The following NCOA7 variants were observed in gnomAD, a reference collection of about 807,000 sequenced individuals.
The protein encoded by NCOA7 is nuclear receptor coactivator 7, also known as 140 kDa estrogen receptor-associated protein.
A neutral mutation model predicts 104.3 loss-of-function variants in NCOA7; 45 were observed. The ratio of observed to expected loss-of-function variants is 0.43; its 90% CI spans 0.34 to 0.55. The LOEUF is 0.55. NCOA7 is among the 20% of genes least tolerant of loss of function. The pLI, the probability that NCOA7 is intolerant of heterozygous loss-of-function variation, is 0.02. For missense variants in NCOA7, 1,041 were observed against 1,119.7 expected, an observed-to-expected ratio of 0.93 and a Z score of 1.00; for synonymous variants, 398 against 402.3, an observed-to-expected ratio of 0.99 and a Z score of 0.13.
At chr6:125,836,864 T>C (rs1054490606) in intron 2 of NCOA7, among the ~76,000 whole-genome samples, 1 of 152,032 alleles carries the variant, frequency 6.6e-6, no homozygotes, top group African/African-American at 2.4e-5. Context: ...CTGGAGAGGG[T>C]GCTTGATAAC....
intron 1 of NCOA7, among the ~76,000 whole-genome samples, chr6:125,792,578 A>C (rs1268086): frequency 8.5e-5 from 13 of 152,208 alleles, no homozygotes; most frequent in Admixed American, 4.6e-4. Flanking sequence ...GTCTTTTATC[A>C]CAGGCAAAAG....
chr6:125,921,189 C>T, intron 12 of NCOA7, 121 bp downstream of exon 12: 2 of 1,289,168 alleles, frequency 1.6e-6, no homozygotes, highest in Non-Finnish European at 2.1e-6. Flanking sequence ...GCAGGCGGAT[C>T]ACTTGAGGTC....
rs56389001 is a variant in NCOA7, at chr6:125,862,037, CAA to C, written c.271+6823_271+6824del. Among the ~76,000 whole-genome samples, 326 of 63,710 alleles carry C rather than the reference CAA, an allele frequency of 5.1e-3. 1 individual carries two copies. The highest frequency in any genetic ancestry group is 0.029 in the African/African-American group (234 of 8,100). The allele number at this position is 63,710 out of a possible 152,430, so 41.8% of individuals were successfully genotyped here. On this transcript the variant is annotated intron_variant, in intron 3 of 15. Transcript: ENST00000392477. Reference sequence around the variant, plus strand: ...GGGCAACAAGAGTGAAACTCTTTCTCAAAAAAAAAAAAAAAAAAAAAAAAAAA... The same window carrying C: ...GGGCAACAAGAGTGAAACTCTTTCTCAAAAAAAAAAAAAAAAAAAAAAAAA...
intron 2 of NCOA7, among the ~76,000 whole-genome samples, chr6:125,816,548 C>T (rs1345181068): frequency 7.9e-5 from 12 of 152,106 alleles, no homozygotes; most frequent in Non-Finnish European, 1.5e-5. Flanking sequence ...ATATTTTCTG[C>T]TATTATGACT....
intron 6 of NCOA7, among the ~76,000 whole-genome samples, chr6:125,881,765 C>G (rs1399162522): frequency 2.0e-5 from 3 of 147,930 alleles, no homozygotes; most frequent in Non-Finnish European, 3.0e-5. Context: ...TGTATTCCTC[C>G]TTTTTTTAAA....
intron 2 of NCOA7, among the ~76,000 whole-genome samples, chr6:125,826,630 A>ACCTTATGT (rs1217186561): frequency 6.6e-6 from 1 of 152,116 alleles, no homozygotes; most frequent in East Asian, 1.9e-4. Context: ...TCTCAGAGAG[A>ACCTTATGT]CCTTATGTGC....
intron 10 of NCOA7, among the ~76,000 whole-genome samples, chr6:125,914,544 C>T (rs955916529): frequency 2.0e-5 from 3 of 152,202 alleles, no homozygotes; most frequent in African/African-American, 7.2e-5. Flanking sequence ...GTTATCCCAA[C>T]AGTAGCCTCA....
intron 12 of NCOA7, among the ~76,000 whole-genome samples, chr6:125,921,271 G>A (rs1486960220): frequency 2.7e-4 from 41 of 152,168 alleles, no homozygotes; most frequent in Non-Finnish European, 1.3e-4. Flanking sequence ...TTGGCCGGGC[G>A]TGATGGCACA....
chr6:125,848,363 C>T (rs567487524), intron 2 of NCOA7, among the ~76,000 whole-genome samples: 37 of 152,046 alleles, frequency 2.4e-4, no homozygotes, highest in Non-Finnish European at 2.9e-4. Context: ...ATGTTTATTG[C>T]GGCACTATTC....
Position 125,928,822 on chromosome 6 carries a change from C to T in NCOA7, c.*51C>T. 1 of 1,561,044 alleles carries T rather than the reference C, an allele frequency of 6.4e-7. No homozygotes were observed. Among genetic ancestry groups the T allele is most frequent in the Non-Finnish European group, 8.6e-7 (1 of 1,158,124 alleles). ...ATTAAAAAGACTGGGTTCGATCAGC[C>T]CTCCTAAAGCTGGCTGGAAAAAGAA... On this transcript the variant is annotated 3_prime_UTR_variant, in exon 16 of 16. Transcript: ENST00000392477.
At chr6:125,819,930 T>G (rs1269729389) in intron 2 of NCOA7, among the ~76,000 whole-genome samples, 1 of 152,196 alleles carries the variant, frequency 6.6e-6, no homozygotes, top group East Asian at 1.9e-4. Context: ...AATACATCTG[T>G]AGTTGAACCA....
chr6:125,820,837 T>G (rs1363255983), intron 2 of NCOA7, among the ~76,000 whole-genome samples: 1 of 152,180 alleles, frequency 6.6e-6, no homozygotes, highest in Non-Finnish European at 1.5e-5. Context: ...GATACTTTGC[T>G]ATAAGCACAG....
At chr6:125,905,398 A>G (rs1344445176) in intron 10 of NCOA7, among the ~76,000 whole-genome samples, 1 of 151,918 alleles carries the variant, frequency 6.6e-6, no homozygotes, top group South Asian at 2.1e-4. Flanking sequence ...CTGGGATTAC[A>G]GACCCCTGTA....
chr6:125,856,418 T>C (rs1781555343), intron 3 of NCOA7, among the ~76,000 whole-genome samples: 2 of 152,118 alleles, frequency 1.3e-5, no homozygotes, highest in Non-Finnish European at 2.9e-5. Flanking sequence ...AGTGGCGCGA[T>C]CTCGGCTCAC....
At chr6:125,834,591 A>G (rs1779459069) in intron 2 of NCOA7, among the ~76,000 whole-genome samples, 2 of 152,056 alleles carry the variant, frequency 1.3e-5, no homozygotes. Context: ...CTTTCATCTC[A>G]CTCTACTTTA....
intron 2 of NCOA7, among the ~76,000 whole-genome samples, chr6:125,816,705 A>G (rs1209092931): frequency 1.3e-5 from 2 of 152,358 alleles, no homozygotes; most frequent in East Asian, 3.9e-4. Flanking sequence ...TGTAAGGAGT[A>G]ATAGATACCC....
chr6:125,855,447 T>C, intron 3 of NCOA7: 1 of 495,064 alleles, frequency 2.0e-6, no homozygotes, highest in Non-Finnish European at 3.6e-6. Flanking sequence ...TCCCAGCATT[T>C]AGCACAGTGC....
chr6:125,795,939 A>AT (rs2128547383), intron 1 of NCOA7, among the ~76,000 whole-genome samples: 1 of 152,324 alleles, frequency 6.6e-6, no homozygotes, highest in Non-Finnish European at 1.5e-5. Flanking sequence ...CAAGTTAAAC[A>AT]TTTGTGTTTT....
At chr6:125,819,341 A>G (rs545384949) in intron 2 of NCOA7, among the ~76,000 whole-genome samples, 2 of 151,986 alleles carry the variant, frequency 1.3e-5, no homozygotes, top group South Asian at 2.1e-4. Context: ...CCTTTCTTAT[A>G]ATTTATCTTG....
Sources: gnomAD v4.1 joint callset for allele counts (sites outside exome capture counted in the v4.1 genomes callset) on GRCh38, gnomAD v4.1.1 for gene constraint, MANE v1.5 for transcripts, NCBI Gene and HGNC (gene_info 2026-07-23, HGNC 2026-07-21) for gene names.